PPP2R5E: variants seen among roughly 807,000 people sequenced by gnomAD.
PPP2R5E encodes serine/threonine-protein phosphatase 2A 56 kDa regulatory subunit epsilon isoform.
Under a neutral mutation model 65.3 loss-of-function variants are expected in PPP2R5E, and 4 were observed. That is an observed-to-expected ratio of 0.06 (90% CI 0.03 to 0.14). PPP2R5E has a LOEUF of 0.14. Ranked by LOEUF, PPP2R5E falls within the 10% of genes least tolerant of loss-of-function variation. PPP2R5E has a pLI of 1.00. For synonymous variants in PPP2R5E, 183 were observed against 187.4 expected, an observed-to-expected ratio of 0.98 and a Z score of 0.19; for missense variants, 274 against 556.1, an observed-to-expected ratio of 0.49 and a Z score of 5.10.
At chr14:63,435,024 T>A (rs6573516) in intron 3 of PPP2R5E, among the ~76,000 whole-genome samples, 1 of 151,788 alleles carries the variant, frequency 6.6e-6, no homozygotes, top group Admixed American at 6.6e-5. Context: ...TACAGGAGAG[T>A]ATGTTTACAT....
rs1165853803 is a variant in PPP2R5E, at chr14:63,375,881, G to T, written c.*128C>A. 3 of 674,312 alleles carry T rather than the reference G, an allele frequency of 4.4e-6. No homozygotes were observed. The highest frequency in any genetic ancestry group is 3.6e-5 in the African/African-American group (2 of 55,074). 41.8% of individuals were successfully genotyped at this position (674,312 alleles called of 1,614,324 possible). On this transcript the variant is annotated 3_prime_UTR_variant, in exon 14 of 14. Coordinates refer to ENST00000337537, the MANE Select transcript of PPP2R5E (RefSeq NM_006246.5). The stretch of plus-strand genomic sequence containing the variant: ...TTACTTAGAGACAGGTATATACAGT[G>T]CTGCTGTAATAATGAAACAAAGGTG...
intron 3 of PPP2R5E, chr14:63,452,309 G>C (rs954195259): frequency 6.6e-6 from 1 of 152,214 alleles, no homozygotes; most frequent in African/African-American, 2.4e-5. Flanking sequence ...AAGAGGTTTA[G>C]ATAGCATGCA....
At chr14:63,461,136 T>A (rs550068778) in intron 2 of PPP2R5E, among the ~76,000 whole-genome samples, 14 of 152,356 alleles carry the variant, frequency 9.2e-5, no homozygotes, top group Middle Eastern at 3.4e-3. Flanking sequence ...ACAAAGTCAA[T>A]GTCTTTATTA....
At position 63,371,727 on chromosome 14, in the gene PPP2R5E, G is replaced by A. The variant is rs1883698425; in HGVS notation, c.*4282C>T. ...TCATTTTTACCTCTACTCACAAAGA[G>A]ATGCTGTTTAAAAAAACACACACAC... On this transcript the variant is annotated 3_prime_UTR_variant, in exon 14 of 14. Transcript: ENST00000337537. 6.6e-6 allele frequency: 1 copy of A among 151,940 alleles called. No individual in the cohort carries two copies. The highest frequency in any genetic ancestry group is 2.1e-4 in the South Asian group (1 of 4,810). 9.4% of individuals were successfully genotyped at this position (151,940 alleles called of 1,614,324 possible).
intron 2 of PPP2R5E, among the ~76,000 whole-genome samples, chr14:63,520,846 T>G (rs1165481843): frequency 8.8e-6 from 1 of 113,468 alleles, no homozygotes; most frequent in Non-Finnish European, 1.7e-5. Flanking sequence ...AAACCTCATC[T>G]CTACTAAAAA....
chr14:63,399,760 T>C (rs1394117471), intron 5 of PPP2R5E, among the ~76,000 whole-genome samples: 2 of 152,074 alleles, frequency 1.3e-5, no homozygotes, highest in Non-Finnish European at 2.9e-5. Flanking sequence ...TTCATCATCA[T>C]TGCAATAAAG....
intron 2 of PPP2R5E, among the ~76,000 whole-genome samples, chr14:63,496,800 A>G (rs1415461589): frequency 2.6e-5 from 4 of 152,118 alleles, no homozygotes; most frequent in Non-Finnish European, 5.9e-5. Flanking sequence ...CAAATGCCTG[A>G]AAGACTGACA....
chr14:63,471,257 C>G (rs1419878036), intron 2 of PPP2R5E, among the ~76,000 whole-genome samples: 1 of 152,208 alleles, frequency 6.6e-6, no homozygotes, highest in Non-Finnish European at 1.5e-5. Flanking sequence ...TCATACAACT[C>G]TCACAAGTTT....
rs75905692 is a variant in PPP2R5E at position 63,480,033 on chromosome 14, G to A, written c.158-26148C>T. Among the ~76,000 whole-genome samples the A allele has an allele frequency of 6.6e-5, 10 of 152,254 alleles. No homozygotes were observed. In the East Asian group the frequency reaches 1.7e-3, roughly 26 times the overall value. The stretch of plus-strand genomic sequence containing the variant: ...AAATATTAAAATATACTCAAAAGTA[G>A]AAAGGACAGTATAATAAACCTTCAC... On this transcript the variant is annotated intron_variant, in intron 2 of 13. Coordinates refer to ENST00000337537, the MANE Select transcript of PPP2R5E (RefSeq NM_006246.5).
chr14:63,391,901 A>C, intron 9 of PPP2R5E, 34 bp from the exon 10 acceptor site: 1 of 1,610,066 alleles, frequency 6.2e-7, no homozygotes. Flanking sequence ...AATGGCATTT[A>C]ACTTTTTCAT....
intron 3 of PPP2R5E, among the ~76,000 whole-genome samples, chr14:63,427,415 G>C (rs554635550): frequency 1.9e-4 from 29 of 151,910 alleles, no homozygotes; most frequent in African/African-American, 6.0e-4. Flanking sequence ...AAAAAAAAAA[G>C]TTTAAGAAAT....
intron 3 of PPP2R5E, among the ~76,000 whole-genome samples, chr14:63,441,644 G>T (rs993801884): frequency 6.6e-6 from 1 of 152,194 alleles, no homozygotes; most frequent in South Asian, 2.1e-4. Context: ...GGGCGCGGTG[G>T]TTCACGCCTG....
intron 4 of PPP2R5E, among the ~76,000 whole-genome samples, chr14:63,421,047 C>T (rs1594854814): frequency 3.7e-5 from 2 of 54,274 alleles, no homozygotes; most frequent in South Asian, 1.2e-3. Flanking sequence ...AGCGAGACTC[C>T]GTCTCAAAAA....
At chr14:63,474,116 T>A (rs928352696) in intron 2 of PPP2R5E, among the ~76,000 whole-genome samples, 1 of 152,212 alleles carries the variant, frequency 6.6e-6, no homozygotes, top group African/African-American at 2.4e-5. Flanking sequence ...AGGAGGCAAC[T>A]GTTACAGAAT....
In PPP2R5E at chr14:63,435,242, T is replaced by C. The variant is rs182293052; in HGVS notation, c.355-13148A>G. Among the ~76,000 whole-genome samples the C allele has an allele frequency of 4.1e-4, 62 of 151,882 alleles. No homozygotes were observed. The South Asian group carries it at 9.4e-3, about 23-fold the overall frequency. ...CAAATTTTATTACAAGTTAAGTATA[T>C]CTAAATTTTTTAAAGGGAAAAAAGT... On this transcript the variant is annotated intron_variant, in intron 3 of 13. Coordinates refer to ENST00000337537, the MANE Select transcript of PPP2R5E (RefSeq NM_006246.5).
intron 11 of PPP2R5E, among the ~76,000 whole-genome samples, chr14:63,386,983 C>T (rs61422773): frequency 1.3e-5 from 2 of 150,784 alleles, no homozygotes; most frequent in Non-Finnish European, 2.9e-5. Context: ...AGCTCGGCTT[C>T]GAAGGATGAA....
intron 2 of PPP2R5E, among the ~76,000 whole-genome samples, chr14:63,524,461 A>G (rs1893098149): frequency 6.6e-6 from 1 of 152,202 alleles, no homozygotes; most frequent in Non-Finnish European, 1.5e-5. Flanking sequence ...CGTTTTACCA[A>G]AAGGGAGACT....
rs1458056670 is a variant in PPP2R5E, at chr14:63,373,868, A to G, written c.*2141T>C. 1 of 152,194 alleles carries G rather than the reference A, an allele frequency of 6.6e-6. No individual in the cohort carries two copies. The highest frequency in any genetic ancestry group is 2.4e-5 in the African/African-American group (1 of 41,444). 9.4% of individuals were successfully genotyped at this position (152,194 alleles called of 1,614,324 possible). On this transcript the variant is annotated 3_prime_UTR_variant, in exon 14 of 14. Coordinates refer to ENST00000337537, the MANE Select transcript of PPP2R5E (RefSeq NM_006246.5). ...AATGCAGAGTTGAAACTAAAGGGCT[A>G]AAATGACAAGGGCTAAAAAGGAGAA...
chr14:63,416,290 C>G (rs1177214315), intron 4 of PPP2R5E, among the ~76,000 whole-genome samples: 1 of 152,182 alleles, frequency 6.6e-6, no homozygotes. Context: ...CTCTGTTTCT[C>G]TAAAAAATAC....
Sources: allele counts gnomAD v4.1 joint callset (sites outside exome capture counted in the v4.1 genomes callset), GRCh38; gene constraint gnomAD v4.1.1; transcripts MANE v1.5; gene names NCBI Gene and HGNC (gene_info 2026-07-23, HGNC 2026-07-21).